The following FAM53A variants were observed in gnomAD, a reference collection of about 807,000 sequenced individuals.
FAM53A encodes protein FAM53A.
A neutral mutation model predicts 26.6 loss-of-function variants in FAM53A; 28 were observed. The ratio of observed to expected loss-of-function variants is 1.05; its 90% CI spans 0.78 to 1.45. The LOEUF is 1.45. Among genes scored for constraint, FAM53A ranks in the 40% most tolerant of loss-of-function variants. The pLI, the probability that FAM53A is intolerant of heterozygous loss-of-function variation, is 0.00. For missense variants in FAM53A, 650 were observed against 575.8 expected, an observed-to-expected ratio of 1.13 and a Z score of -1.32; for synonymous variants, 290 against 253.1, an observed-to-expected ratio of 1.15 and a Z score of -1.38.
At chr4:1,591,187 G>A in the FAM53A span, among the ~76,000 whole-genome samples, 1 of 151,460 alleles carries the variant, frequency 6.6e-6, no homozygotes, top group East Asian at 1.9e-4. Context: ...ATCTTTCTGT[G>A]CCCTTTCTCC....
At chr4:1,612,932 T>C (rs1412831364), downstream of FAM53A, among the ~76,000 whole-genome samples, 1 of 152,218 alleles carries the variant, frequency 6.6e-6, no homozygotes, top group Non-Finnish European at 1.5e-5. Context: ...CATGGCCTGC[T>C]ACACATATGT....
the FAM53A span, among the ~76,000 whole-genome samples, chr4:1,574,712 C>T: frequency 6.6e-6 from 1 of 152,248 alleles, no homozygotes; most frequent in Non-Finnish European, 1.5e-5. Flanking sequence ...ACCCCTGAGA[C>T]AGGCGAGGCC....
the FAM53A span, among the ~76,000 whole-genome samples, chr4:1,585,276 CTTTTTTTTTTTT>C: frequency 1.3e-5 from 1 of 75,962 alleles, no homozygotes; most frequent in African/African-American, 4.2e-5. Context: ...CTCTCTCTCT[CTTTTTTTTTTTT>C]TTTTTTTTTT....
chr4:1,578,067 C>T, the FAM53A span, among the ~76,000 whole-genome samples: 6 of 152,108 alleles, frequency 3.9e-5, no homozygotes, highest in South Asian at 1.0e-3. Flanking sequence ...CCTGCCTGCC[C>T]TGAGCGCCTT....
chr4:1,587,132 G>A, the FAM53A span, among the ~76,000 whole-genome samples: 2 of 152,262 alleles, frequency 1.3e-5, no homozygotes, highest in Non-Finnish European at 1.5e-5. Flanking sequence ...GTATATTTTC[G>A]ATATGAACCC....
intron 2 of FAM53A, among the ~76,000 whole-genome samples, chr4:1,663,662 T>G (rs1714015680): frequency 6.6e-6 from 1 of 151,942 alleles, no homozygotes; most frequent in Admixed American, 6.6e-5. Context: ...AGAAACAGCA[T>G]TATGTGGGTT....
At chr4:1,639,003 C>G (rs940278795), downstream of FAM53A, among the ~76,000 whole-genome samples, 4 of 152,208 alleles carry the variant, frequency 2.6e-5, no homozygotes, top group Non-Finnish European at 5.9e-5. Context: ...GCATCCAGGC[C>G]TTGGTGGGGA....
At chr4:1,590,946 T>C in the FAM53A span, among the ~76,000 whole-genome samples, 1 of 117,518 alleles carries the variant, frequency 8.5e-6, no homozygotes, top group Non-Finnish European at 1.8e-5. Flanking sequence ...AAGACTATAT[T>C]ATTTAATGCA....
At chr4:1,609,511 GACA>G in the FAM53A span, among the ~76,000 whole-genome samples, 32 of 152,214 alleles carry the variant, frequency 2.1e-4, no homozygotes, top group East Asian at 6.0e-3. Context: ...CTGTTCTCCT[GACA>G]ACAAGTGAGT....
chr4:1,658,881 C>T (rs1713616438), intron 2 of FAM53A, among the ~76,000 whole-genome samples: 2 of 152,246 alleles, frequency 1.3e-5, no homozygotes, highest in African/African-American at 2.4e-5. Context: ...GACAAGGACA[C>T]GGCTGTCCCG....
At chr4:1,590,014 A>G in the FAM53A span, among the ~76,000 whole-genome samples, 34 of 152,024 alleles carry the variant, frequency 2.2e-4, no homozygotes, top group Middle Eastern at 3.4e-3. Context: ...TTGTATTCTG[A>G]TAAGTTTATT....
chr4:1,664,992 A>G (rs887324005), intron 2 of FAM53A, among the ~76,000 whole-genome samples: 1 of 151,212 alleles, frequency 6.6e-6, no homozygotes, highest in Non-Finnish European at 1.5e-5. Flanking sequence ...GATAAAATAA[A>G]TAAATAAATG....
At chr4:1,575,443 G>A in the FAM53A span, among the ~76,000 whole-genome samples, 1 of 152,186 alleles carries the variant, frequency 6.6e-6, no homozygotes, top group Non-Finnish European at 1.5e-5. Flanking sequence ...GATGGCTGCG[G>A]TCTGGCAGGG....
the FAM53A span, among the ~76,000 whole-genome samples, chr4:1,598,988 G>A: frequency 1.3e-5 from 2 of 152,268 alleles, no homozygotes; most frequent in Non-Finnish European, 2.9e-5. Flanking sequence ...TGTAGCGTGC[G>A]CAGGGGTGCG....
downstream of FAM53A, among the ~76,000 whole-genome samples, chr4:1,635,574 C>A (rs180705228): frequency 3.9e-5 from 6 of 152,312 alleles, no homozygotes; most frequent in Admixed American, 2.0e-4. Flanking sequence ...CTGTGCCCAG[C>A]TATTTTTCAC....
chr4:1,603,653 C>A, the FAM53A span, among the ~76,000 whole-genome samples: 4 of 152,280 alleles, frequency 2.6e-5, no homozygotes, highest in Admixed American at 2.0e-4. Flanking sequence ...ATCCCTGGCC[C>A]CACTGACACG....
rs1367676567 is a variant in FAM53A, at chr4:1,630,775, G to A, written c.432-12664C>T. Among the ~76,000 whole-genome samples the A allele has an allele frequency of 6.6e-6, 1 of 152,200 alleles. No homozygotes were observed. ...AGGGCAGGGTGGGGAGCGCCCACTC[G>A]TGGGGAGGGGGCTCATTTGGGCGAT... On this transcript the variant is annotated intron_variant, in intron 1 of 1. Coordinates refer to the FAM53A transcript ENST00000489029. The surrounding 1 kb of genome is among the most constrained non-coding windows in gnomAD (Gnocchi z 4.3).
rs200357652 is a variant in FAM53A, at chr4:1,655,109, C to A, written c.751G>T (p.Gly251Trp). Residue 251 changes from glycine to tryptophan, a missense_variant, in exon 4 of 5, where the codon GGG becomes TGG. Gly to Trp is a radical substitution (Grantham distance 184). Coordinates refer to ENST00000308132, the MANE Select transcript of FAM53A (RefSeq NM_001174070.3). ...SSPTSTPALGGRRGLLRCRSQ... is the reference protein window; with the variant it reads ...SSPTSTPALGWRRGLLRCRSQ... The stretch of plus-strand genomic sequence containing the variant: ...CGGCACCGGAGCAGCCCACGGCGCC[C>A]GCCCAGCGCAGGCGTGGACGTGGGG... 6.2e-7 allele frequency: 1 copy of A among 1,600,666 alleles called. No homozygotes were observed. The highest frequency in any genetic ancestry group is 8.5e-7 in the Non-Finnish European group (1 of 1,173,526).
chr4:1,660,750 G>A (rs548854441), intron 2 of FAM53A, among the ~76,000 whole-genome samples: 13 of 152,094 alleles, frequency 8.5e-5, no homozygotes, highest in Middle Eastern at 3.4e-3. Context: ...TTAGCCAGGC[G>A]TGGTGGCGAG....
Sources: gnomAD v4.1 joint callset for allele counts (sites outside exome capture counted in the v4.1 genomes callset) on GRCh38, gnomAD v4.1.1 for gene constraint, Gnocchi (gnomAD v3.1) non-coding constraint, MANE v1.5 for transcripts, NCBI Gene and HGNC (gene_info 2026-07-23, HGNC 2026-07-21) for gene names.